Variants in TNFSF13B observed in about 807,000 individuals in gnomAD.
TNFSF13B encodes the protein tumor necrosis factor ligand superfamily member 13B.
A neutral mutation model predicts 29.1 loss-of-function variants in TNFSF13B; 8 were observed. The ratio of observed to expected loss-of-function variants is 0.27; its 90% confidence interval spans 0.16 to 0.50. The LOEUF is 0.50. Ranked by LOEUF, TNFSF13B falls within the 20% of genes least tolerant of loss-of-function variation. The pLI is 0.98. For synonymous variants in TNFSF13B, 125 were observed against 130.8 expected, an observed-to-expected ratio of 0.96 and a Z score of 0.30; for missense variants, 248 against 334.9, an observed-to-expected ratio of 0.74 and a Z score of 2.03.
chr13:108,295,481 G>T (rs565963622), intron 3 of TNFSF13B, among the ~76,000 whole-genome samples: 1 of 145,038 alleles, frequency 6.9e-6, no homozygotes, highest in South Asian at 2.1e-4. Flanking sequence ...GTGAGCCACC[G>T]CACCCAGTCC....
chr13:108,292,598 T>C (rs1043653724), intron 3 of TNFSF13B, among the ~76,000 whole-genome samples: 3 of 152,120 alleles, frequency 2.0e-5, no homozygotes, highest in Non-Finnish European at 4.4e-5. Flanking sequence ...CACATCTTAT[T>C]TTCAATGTTT....
rs548177838 is a variant in TNFSF13B at position 108,296,893 on chromosome 13, G to A, written c.482-6360G>A. ...ATGTTGTTATTGTCACAAAATATACGCTTATACATTGTAAGCCCTTAACAT... is the reference window on the plus strand; with the variant it reads ...ATGTTGTTATTGTCACAAAATATACACTTATACATTGTAAGCCCTTAACAT... On this transcript the variant is annotated intron_variant, in intron 3 of 5. Transcript: ENST00000375887. 2.0e-4 allele frequency among the ~76,000 whole-genome samples: 29 copies of A among 145,194 alleles called. 2 individuals are homozygous for A. Among genetic ancestry groups the A allele is most frequent in the African/African-American group, 5.9e-4 (23 of 38,854 alleles).
At chr13:108,285,547 G>A (rs1304771224) in intron 2 of TNFSF13B, among the ~76,000 whole-genome samples, 1 of 152,212 alleles carries the variant, frequency 6.6e-6, no homozygotes, top group Non-Finnish European at 1.5e-5. Flanking sequence ...GCAATGGTAA[G>A]TATTTGTGTA....
intron 3 of TNFSF13B, among the ~76,000 whole-genome samples, chr13:108,288,861 G>C (rs1232859091): frequency 6.6e-6 from 1 of 152,160 alleles, no homozygotes; most frequent in Non-Finnish European, 1.5e-5. Flanking sequence ...AGGCGATGAG[G>C]AATGGGCAAA....
Position 108,270,153 on chromosome 13 carries a change from C to T in TNFSF13B, c.258C>T (p.His86=), listed in dbSNP as rs1238123779. ...LASLRAELQG[H]HAEKLPAGAG... ...GCCTCCGGGCAGAGCTGCAGGGCCA[C>T]CACGCGGAGAAGCTGCCAGCAGGAG... is the stretch of plus-strand genomic sequence containing the variant. The change falls in exon 1 of 6, where the codon CAC becomes CAT. Residue 86 remains histidine (H), a synonymous_variant. Transcript: ENST00000375887. 1.2e-6 allele frequency: 2 copies of T among 1,601,928 alleles called. No individual in the cohort carries two copies. The highest frequency in any genetic ancestry group is 2.2e-5 in the East Asian group (1 of 44,872).
intron 3 of TNFSF13B, among the ~76,000 whole-genome samples, chr13:108,287,638 A>G (rs1035618601): frequency 3.9e-5 from 6 of 152,182 alleles, no homozygotes; most frequent in African/African-American, 1.4e-4. Flanking sequence ...ACAAATATGA[A>G]TTCTCCTGTT....
At position 108,281,580 on chromosome 13, in the gene TNFSF13B, G is replaced by A. The variant is rs1031724443; in HGVS notation, c.425-5223G>A. On this transcript the variant is annotated intron_variant, in intron 2 of 5. Coordinates refer to ENST00000375887, the MANE Select transcript of TNFSF13B (RefSeq NM_006573.5). ...TGCCACCCTCCCTTTACAGGAGCTC[G>A]CTTCACACACAGACAGGAACATGAT... is the stretch of plus-strand genomic sequence containing the variant. Among the ~76,000 whole-genome samples, 6 of 152,192 alleles carry A rather than the reference G, an allele frequency of 3.9e-5. No individual in the cohort carries two copies. The East Asian group carries it at 5.8e-4, about 15-fold the overall frequency.
chr13:108,278,248 G>A (rs371433301), intron 2 of TNFSF13B, among the ~76,000 whole-genome samples: 16 of 152,234 alleles, frequency 1.1e-4, no homozygotes, highest in African/African-American at 3.9e-4. Flanking sequence ...ATGCCAGTGA[G>A]AGAGACATCA....
chr13:108,294,747 C>T (rs1202359396), intron 3 of TNFSF13B, among the ~76,000 whole-genome samples: 1 of 112,702 alleles, frequency 8.9e-6, no homozygotes, highest in Non-Finnish European at 2.0e-5. Flanking sequence ...AGGAATGGTT[C>T]CCTTCTCTTT....
intron 3 of TNFSF13B, among the ~76,000 whole-genome samples, chr13:108,290,148 G>A (rs1426941801): frequency 6.6e-6 from 1 of 151,856 alleles, no homozygotes; most frequent in Non-Finnish European, 1.5e-5. Context: ...CATATGATTT[G>A]AAAATGAGAT....
intron 2 of TNFSF13B, among the ~76,000 whole-genome samples, chr13:108,271,999 T>G (rs1363820206): frequency 6.6e-6 from 1 of 152,176 alleles, no homozygotes; most frequent in Admixed American, 6.5e-5. Context: ...TGCTTCCGAC[T>G]GCCATATTGT....
intron 5 of TNFSF13B, among the ~76,000 whole-genome samples, chr13:108,304,821 A>G (rs1881725059): frequency 1.3e-5 from 2 of 152,220 alleles, no homozygotes; most frequent in Non-Finnish European, 1.5e-5. Context: ...CTGCAGCCAC[A>G]GATAGCATTG....
intron 3 of TNFSF13B, among the ~76,000 whole-genome samples, chr13:108,299,537 T>C (rs184932134): frequency 1.8e-4 from 28 of 152,060 alleles, no homozygotes; most frequent in African/African-American, 5.8e-4. Flanking sequence ...GACACAGGAG[T>C]CCTTCTTCTA....
intron 3 of TNFSF13B, among the ~76,000 whole-genome samples, chr13:108,294,473 C>A (rs1052994307): frequency 1.3e-5 from 2 of 152,050 alleles, no homozygotes; most frequent in South Asian, 2.1e-4. Flanking sequence ...AGCCACCATG[C>A]CTGGCTGGAA....
At chr13:108,287,199 A>T (rs1881167987) in intron 3 of TNFSF13B, among the ~76,000 whole-genome samples, 1 of 152,086 alleles carries the variant, frequency 6.6e-6, no homozygotes, top group Admixed American at 6.5e-5. Context: ...GCAGCACACC[A>T]ACATGGCACA....
chr13:108,278,698 C>G (rs1416435433), intron 2 of TNFSF13B, among the ~76,000 whole-genome samples: 3 of 139,220 alleles, frequency 2.2e-5, no homozygotes, highest in Non-Finnish European at 3.1e-5. Flanking sequence ...CCTCCTCTTC[C>G]TCCTCCTCCC....
Position 108,297,871 on chromosome 13 carries a change from C to G in TNFSF13B, c.482-5382C>G, listed in dbSNP as rs780047050. 6.2e-5 allele frequency among the ~76,000 whole-genome samples: 9 copies of G among 145,592 alleles called. 2 individuals carry two copies. The highest frequency in any genetic ancestry group is 1.1e-4 in the Non-Finnish European group (7 of 65,518). On this transcript the variant is annotated intron_variant, in intron 3 of 5. Coordinates refer to ENST00000375887, the MANE Select transcript of TNFSF13B (RefSeq NM_006573.5). Reference sequence around the variant, plus strand: ...AGGGTTCACCTTAATGTTTTACTTTCTATAGGTTAGCACAAATGCATAATG... The same window carrying G: ...AGGGTTCACCTTAATGTTTTACTTTGTATAGGTTAGCACAAATGCATAATG...
intron 2 of TNFSF13B, among the ~76,000 whole-genome samples, chr13:108,286,262 C>T (rs1022685752): frequency 1.3e-5 from 2 of 152,110 alleles, no homozygotes; most frequent in Admixed American, 6.6e-5. Context: ...TTTCCAATAT[C>T]TAATTTTTAG....
chr13:108,302,499 G>A (rs534763720), intron 3 of TNFSF13B, among the ~76,000 whole-genome samples: 1 of 150,300 alleles, frequency 6.7e-6, no homozygotes, highest in East Asian at 2.0e-4. Flanking sequence ...GGGTTTTGAT[G>A]TCTGAACGCA....
Sources: gnomAD v4.1 joint callset for allele counts (sites outside exome capture counted in the v4.1 genomes callset) on GRCh38, gnomAD v4.1.1 for gene constraint, MANE v1.5 for transcripts, NCBI Gene and HGNC (gene_info 2026-07-23, HGNC 2026-07-21) for gene names.